TMEM154: variants seen among roughly 807,000 people sequenced by gnomAD.
TMEM154 encodes transmembrane protein 154.
A neutral mutation model predicts 24.5 loss-of-function variants in TMEM154; 27 were observed. The ratio of observed to expected loss-of-function variants is 1.10; its 90% confidence interval spans 0.81 to 1.52. The LOEUF is 1.52. TMEM154 is among the 40% of genes most tolerant of loss of function. The pLI is 0.00. For missense variants in TMEM154, 228 were observed against 213.4 expected (o/e 1.07, Z -0.43); for synonymous variants, 67 against 76.8 (o/e 0.87, Z 0.67).
At chr4:152,654,217 G>C (rs576537768) in intron 1 of TMEM154, among the ~76,000 whole-genome samples, 1 of 152,154 alleles carries the variant, frequency 6.6e-6, no homozygotes, top group African/African-American at 2.4e-5. Flanking sequence ...TTTCAGAAGG[G>C]GCCAACTGAG....
chr4:152,643,219 T>A, intron 4 of TMEM154, 46 bp from the exon 5 acceptor site: 3 of 1,370,296 alleles, frequency 2.2e-6, no homozygotes, highest in Non-Finnish European at 2.1e-6. Flanking sequence ...ATGTGAAAGA[T>A]GCCTAATTTC....
intron 3 of TMEM154, among the ~76,000 whole-genome samples, chr4:152,646,063 T>C (rs1159837171): frequency 6.6e-6 from 1 of 151,746 alleles, no homozygotes; most frequent in African/African-American, 2.4e-5. Context: ...TCCTACACAA[T>C]TGAACATCCC....
chr4:152,634,031 CAAAAAAAAA>C lies in TMEM154; in HGVS notation c.537-5479_537-5471del, dbSNP rs1167923301. On this transcript the variant is annotated intron_variant, in intron 6 of 6. Coordinates refer to ENST00000304385, the MANE Select transcript of TMEM154 (RefSeq NM_152680.3). ...TGGGCAAGAGAGTGAGACCCCATCT[CAAAAAAAAA>C]AAAAAAAAAAAAAAAAAGAAAGTGG... 3.4e-4 allele frequency among the ~76,000 whole-genome samples: 7 copies of C among 20,412 alleles called. No individual in the cohort carries two copies. In the East Asian group the frequency reaches 5.0e-3, roughly 14 times the overall value. The allele number at this position is 20,412 out of a possible 152,430, so 13.4% of individuals were successfully genotyped here. A position where few individuals can be genotyped will look rare whatever the true frequency, so the allele number is the denominator to read the frequency against.
intron 6 of TMEM154, among the ~76,000 whole-genome samples, chr4:152,638,258 T>C (rs1752186679): frequency 6.6e-6 from 1 of 151,850 alleles, no homozygotes; most frequent in Non-Finnish European, 1.5e-5. Context: ...AGAATGAGAG[T>C]CTGTCTCTAC....
At chr4:152,639,860 C>G (rs1251516360) in intron 6 of TMEM154, 1 of 152,924 alleles carries the variant, frequency 6.5e-6, no homozygotes, top group Non-Finnish European at 1.5e-5. Flanking sequence ...GTGATATTGA[C>G]CTAAATCTAC....
At chr4:152,679,679 A>C in intron 1 of TMEM154, 191 bp downstream of exon 1, 4 of 204,614 alleles carry the variant, frequency 2.0e-5, no homozygotes, top group Non-Finnish European at 3.5e-5. Context: ...CAGTTTAGAC[A>C]GCTGCAGCGA....
intron 1 of TMEM154, among the ~76,000 whole-genome samples, chr4:152,658,146 T>A (rs766722956): frequency 1.3e-5 from 2 of 152,174 alleles, no homozygotes; most frequent in Non-Finnish European, 2.9e-5. Flanking sequence ...TTGGAGACTG[T>A]ACAAATACAT....
intron 1 of TMEM154, among the ~76,000 whole-genome samples, chr4:152,675,878 T>C (rs1728944131): frequency 6.6e-6 from 1 of 152,204 alleles, no homozygotes; most frequent in African/African-American, 2.4e-5. Context: ...AGTCAATATC[T>C]TCCCTCTTAT....
intron 1 of TMEM154, among the ~76,000 whole-genome samples, chr4:152,661,858 C>A (rs1348233382): frequency 1.3e-5 from 2 of 152,110 alleles, no homozygotes; most frequent in Admixed American, 1.3e-4. Context: ...GTTTCCTTGC[C>A]CAGAAGTAAC....
At chr4:152,661,284 TTCTCTCTCTCTCTC>T (rs70949609) in intron 1 of TMEM154, among the ~76,000 whole-genome samples, 5,237 of 63,382 alleles carry the variant, frequency 0.083, 125 homozygotes, top group Non-Finnish European at 0.1. Context: ...ATTGTTCTCT[TTCTCTCTCTCTCTC>T]TCTCTCTCTC....
chr4:152,639,591 CCT>C (rs905829636), intron 6 of TMEM154, among the ~76,000 whole-genome samples: 3 of 151,472 alleles, frequency 2.0e-5, no homozygotes, highest in African/African-American at 7.3e-5. Flanking sequence ...TCTCTCTCCC[CCT>C]CTCTCTCCCT....
intron 1 of TMEM154, among the ~76,000 whole-genome samples, chr4:152,667,609 A>G (rs1728745747): frequency 6.6e-6 from 1 of 152,230 alleles, no homozygotes; most frequent in East Asian, 1.9e-4. Flanking sequence ...GTTTTTTCTG[A>G]CTAATTTACT....
rs34455123 is a variant in TMEM154, at chr4:152,631,793, CTTTTTTTTTTTT to C, written c.537-3244_537-3233del. On this transcript the variant is annotated intron_variant, in intron 6 of 6. Transcript: ENST00000304385. ...TTTTAATGTAGTTAAATCTATCCCC[CTTTTTTTTTTTT>C]TTTTTTTTTTTTTTTTTGAGACAGA... Among the ~76,000 whole-genome samples, 4 of 61,430 alleles carry C rather than the reference CTTTTTTTTTTTT, an allele frequency of 6.5e-5. No homozygotes were observed. In the East Asian group the frequency reaches 1.7e-3, roughly 26 times the overall value. 40.3% of individuals were successfully genotyped at this position (61,430 alleles called of 152,430 possible). A position where few individuals can be genotyped will look rare whatever the true frequency, so the allele number is the denominator to read the frequency against.
chr4:152,678,720 A>C (rs975359942), intron 1 of TMEM154, among the ~76,000 whole-genome samples: 1 of 152,216 alleles, frequency 6.6e-6, no homozygotes, highest in African/African-American at 2.4e-5. Flanking sequence ...AACACTGGGC[A>C]TAAAACAACA....
At chr4:152,641,455 G>A (rs943852532) in intron 5 of TMEM154, 3 of 152,592 alleles carry the variant, frequency 2.0e-5, no homozygotes, top group African/African-American at 7.2e-5. Context: ...TTATTTTTAA[G>A]GGCAAAAAAA....
chr4:152,633,748 A>G (rs1342766395), intron 6 of TMEM154, among the ~76,000 whole-genome samples: 1 of 152,142 alleles, frequency 6.6e-6, no homozygotes, highest in African/African-American at 2.4e-5. Context: ...TTGAGCCTCA[A>G]GGACCACTTG....
intron 6 of TMEM154, among the ~76,000 whole-genome samples, chr4:152,630,309 CAAAAAAAAAA>C (rs56827457): frequency 3.3e-4 from 30 of 91,336 alleles, no homozygotes; most frequent in Admixed American, 6.5e-4. Context: ...CACCCTGTCT[CAAAAAAAAAA>C]AAAAAAAAAA....
At chr4:152,663,880 C>T (rs1299628976) in intron 1 of TMEM154, among the ~76,000 whole-genome samples, 2 of 152,244 alleles carry the variant, frequency 1.3e-5, no homozygotes, top group African/African-American at 2.4e-5. Flanking sequence ...TTTCACACAT[C>T]TGGTGAGGAT....
In TMEM154 at chr4:152,619,664, A is replaced by C. The variant is rs556667458; in HGVS notation, c.*8882T>G. On this transcript the variant is annotated 3_prime_UTR_variant, in exon 7 of 7. Transcript: ENST00000304385. ...CAGCTGCCATGCTGTGAAGAAGCCC[A>C]AGGAGTCTATGGAGAGGCCCACATC... The C allele has an allele frequency of 1.3e-5, 2 of 152,310 alleles. No individual in the cohort carries two copies. The highest frequency in any genetic ancestry group is 4.8e-5 in the African/African-American group (2 of 41,574). 9.4% of individuals were successfully genotyped at this position (152,310 alleles called of 1,614,324 possible).
Sources: allele counts gnomAD v4.1 joint callset (sites outside exome capture counted in the v4.1 genomes callset), GRCh38; gene constraint gnomAD v4.1.1; transcripts MANE v1.5; gene names NCBI Gene and HGNC (gene_info 2026-07-23, HGNC 2026-07-21).